Variants in MYO1E observed in about 807,000 individuals in gnomAD.
The protein encoded by MYO1E is unconventional myosin-Ie.
MYO1E carries 68 observed loss-of-function variants against 151.1 expected under a neutral mutation model. The ratio of observed to expected loss-of-function variants is 0.45; its 90% CI spans 0.37 to 0.55. The LOEUF (loss-of-function observed/expected upper bound fraction) is 0.55. MYO1E is among the 20% of genes least tolerant of loss of function. The pLI is 0.00. For synonymous variants in MYO1E, 601 were observed against 501.7 expected, an observed-to-expected ratio of 1.20 and a Z score of -2.64; for missense variants, 1,363 against 1,389.3, an observed-to-expected ratio of 0.98 and a Z score of 0.30.
chr15:59,175,074 G>A (rs2140317944), intron 19 of MYO1E, among the ~76,000 whole-genome samples: 1 of 152,260 alleles, frequency 6.6e-6, no homozygotes, highest in South Asian at 2.1e-4. Flanking sequence ...CGCCTCCACA[G>A]CTACATGAGC....
At chr15:59,200,421 C>T (rs558008900) in intron 16 of MYO1E, among the ~76,000 whole-genome samples, 3 of 152,332 alleles carry the variant, frequency 2.0e-5, no homozygotes, top group Non-Finnish European at 2.9e-5. Flanking sequence ...AACCCAGGGA[C>T]TGTCCTGAGG....
intron 13 of MYO1E, among the ~76,000 whole-genome samples, chr15:59,209,474 A>G (rs11636223): frequency 0.95 from 144,322 of 151,886 alleles, 69,047 homozygotes; most frequent in East Asian, 1. Flanking sequence ...TCAGGAGTTC[A>G]AGACCAGCCT....
chr15:59,149,036 C>A (rs75716678), intron 26 of MYO1E, among the ~76,000 whole-genome samples: 3,603 of 132,808 alleles, frequency 0.027, 95 homozygotes, highest in African/African-American at 0.063. Flanking sequence ...GGTGGATGAA[C>A]TGTTTTTTTT....
In MYO1E at chr15:59,198,574, G is replaced by A. The variant is rs527919393; in HGVS notation, c.1699-3007C>T. Among the ~76,000 whole-genome samples the A allele has an allele frequency of 4.5e-4, 68 of 152,188 alleles. 1 individual carries two copies. Among genetic ancestry groups the A allele is most frequent in the Admixed American group, 3.7e-3 (56 of 15,294 alleles). ...CTCACTCCTGTAATCTCAGCACTTC[G>A]GGAGGCTGAGGCAGGCGGATCAATT... On this transcript the variant is annotated intron_variant, in intron 16 of 27. Coordinates refer to ENST00000288235, the MANE Select transcript of MYO1E (RefSeq NM_004998.4).
At chr15:59,243,542 GAGAGTCTGTGTC>G (rs1218133048) in intron 4 of MYO1E, among the ~76,000 whole-genome samples, 4 of 152,178 alleles carry the variant, frequency 2.6e-5, no homozygotes, top group Non-Finnish European at 5.9e-5. Flanking sequence ...AAGGAGGTGA[GAGAGTCTGTGTC>G]AGGGGCAAGA....
intron 18 of MYO1E, among the ~76,000 whole-genome samples, chr15:59,185,174 A>G (rs755709895): frequency 6.6e-6 from 1 of 151,818 alleles, no homozygotes; most frequent in Non-Finnish European, 1.5e-5. Flanking sequence ...AGCTCCTTCT[A>G]TATTCTGGTT....
intron 6 of MYO1E, among the ~76,000 whole-genome samples, 198 bp from the exon 7 acceptor site, chr15:59,227,788 T>C (rs116911258): frequency 6.6e-6 from 1 of 152,352 alleles, no homozygotes; most frequent in East Asian, 1.9e-4. Context: ...ACGATTCTGT[T>C]AGAGAGAGCA....
chr15:59,243,501 G>C (rs566168685), intron 4 of MYO1E, among the ~76,000 whole-genome samples: 3 of 152,270 alleles, frequency 2.0e-5, no homozygotes, highest in African/African-American at 2.4e-5. Flanking sequence ...CTTGCTGAAG[G>C]ACACTTAGCT....
intron 19 of MYO1E, among the ~76,000 whole-genome samples, chr15:59,177,767 A>C (rs1408529361): frequency 2.0e-5 from 3 of 152,228 alleles, no homozygotes; most frequent in Non-Finnish European, 2.9e-5. Flanking sequence ...TGAATTGTAA[A>C]TGTGTATTAT....
chr15:59,342,034 C>A (rs1214148646), intron 1 of MYO1E, among the ~76,000 whole-genome samples: 8 of 152,304 alleles, frequency 5.3e-5, no homozygotes, highest in African/African-American at 1.9e-4. Context: ...TCCTTGCCAG[C>A]ATTCATTATT....
chr15:59,176,406 C>A (rs1198875223), intron 19 of MYO1E, among the ~76,000 whole-genome samples: 1 of 150,468 alleles, frequency 6.6e-6, no homozygotes, highest in Admixed American at 6.6e-5. Flanking sequence ...ATATTCAGAA[C>A]ATTTACTATT....
At chr15:59,245,261 G>C (rs1405217165) in intron 4 of MYO1E, among the ~76,000 whole-genome samples, 5 of 152,184 alleles carry the variant, frequency 3.3e-5, no homozygotes, top group African/African-American at 4.8e-5. Flanking sequence ...ACAGCAAAGA[G>C]CACGAGAGAC....
chr15:59,161,662 C>G (rs184289679), intron 23 of MYO1E, among the ~76,000 whole-genome samples: 3 of 152,280 alleles, frequency 2.0e-5, no homozygotes, highest in African/African-American at 7.2e-5. Context: ...CTTGAGGACT[C>G]TAGCATAGAA....
intron 7 of MYO1E, among the ~76,000 whole-genome samples, chr15:59,225,540 G>A (rs1321373220): frequency 6.6e-6 from 1 of 151,950 alleles, no homozygotes; most frequent in African/African-American, 2.4e-5. Flanking sequence ...AATGCCTCCC[G>A]ATCCTACATA....
chr15:59,301,697 C>T (rs1356448939), intron 1 of MYO1E, among the ~76,000 whole-genome samples: 1 of 152,216 alleles, frequency 6.6e-6, no homozygotes, highest in Admixed American at 6.5e-5. Flanking sequence ...AGAGAAGAGG[C>T]TTAGCACTGG....
chr15:59,294,427 G>A (rs1237761410), intron 1 of MYO1E, among the ~76,000 whole-genome samples: 1 of 152,194 alleles, frequency 6.6e-6, no homozygotes, highest in East Asian at 1.9e-4. Context: ...GGACAAAGGA[G>A]CATTCCTTAT....
chr15:59,261,421 G>T lies in MYO1E; in HGVS notation c.236C>A (p.Ala79Glu). Residue 79 changes from alanine (A) to glutamate (E), a missense_variant and splice_region_variant, in exon 3 of 28, where the codon GCG becomes GAG. Coordinates refer to ENST00000288235, the MANE Select transcript of MYO1E (RefSeq NM_004998.4). ...GEKEIEMYQGAAQYENPPHIY... is the reference protein window; with the variant it reads ...GEKEIEMYQGEAQYENPPHIY... ...TAATTTATGTGACACGTAACTTACC[G>T]CTCCTTGGTACATTTCAATTTCCTT... is the stretch of plus-strand genomic sequence containing the variant. The T allele has an allele frequency of 1.2e-6, 2 of 1,601,812 alleles. No homozygotes were observed. The highest frequency in any genetic ancestry group is 1.7e-6 in the Non-Finnish European group (2 of 1,169,154).
intron 12 of MYO1E, 57 bp from the exon 13 acceptor site, chr15:59,210,657 G>T: frequency 8.0e-7 from 1 of 1,252,100 alleles, no homozygotes; most frequent in Non-Finnish European, 1.2e-6. Flanking sequence ...AGCTCTGCAC[G>T]GACAGACCCT....
At chr15:59,282,635 CG>C (rs1178385544) in intron 1 of MYO1E, among the ~76,000 whole-genome samples, 1 of 151,018 alleles carries the variant, frequency 6.6e-6, no homozygotes, top group African/African-American at 2.4e-5. Context: ...TGCTTGAGCC[CG>C]GGAGTTAGAG....
Sources: allele counts gnomAD v4.1 joint callset (sites outside exome capture counted in the v4.1 genomes callset), GRCh38; gene constraint gnomAD v4.1.1; transcripts MANE v1.5; gene names NCBI Gene and HGNC (gene_info 2026-07-23, HGNC 2026-07-21).